TAFA4: variants seen among roughly 807,000 people sequenced by gnomAD.
TAFA4 encodes chemokine-like protein TAFA-4.
TAFA4 carries 20 observed loss-of-function variants against 21.1 expected under a neutral mutation model. The ratio of observed to expected loss-of-function variants is 0.95; its 90% CI spans 0.67 to 1.38. The LOEUF (loss-of-function observed/expected upper bound fraction) is 1.38, where lower values mean the gene tolerates loss of function less well. Ranked by LOEUF, TAFA4 falls within the 40% of genes most tolerant of loss-of-function variation. The pLI is 0.00. For synonymous variants in TAFA4, 71 were observed against 67.4 expected (o/e 1.05, Z -0.26); for missense variants, 211 against 180.9 (o/e 1.17, Z -0.95).
intron 3 of TAFA4, among the ~76,000 whole-genome samples, chr3:68,836,253 A>C (rs965209300): frequency 3.3e-5 from 5 of 152,216 alleles, no homozygotes; most frequent in Non-Finnish European, 5.9e-5. Context: ...CCTCAGGAAT[A>C]ATCCTCAATT....
intron 3 of TAFA4, among the ~76,000 whole-genome samples, chr3:68,848,552 G>A (rs892683991): frequency 6.6e-6 from 1 of 152,116 alleles, no homozygotes; most frequent in East Asian, 1.9e-4. Context: ...AGGGTCCATG[G>A]TTGATCAACT....
chr3:68,879,973 T>C (rs1575655240), intron 3 of TAFA4, among the ~76,000 whole-genome samples: 1 of 152,236 alleles, frequency 6.6e-6, no homozygotes, highest in South Asian at 2.1e-4. Context: ...CATTGACACA[T>C]ATGAATTATT....
chr3:68,796,788 C>G (rs1013797232), intron 3 of TAFA4, among the ~76,000 whole-genome samples: 2 of 151,996 alleles, frequency 1.3e-5, no homozygotes, highest in Non-Finnish European at 2.9e-5. Flanking sequence ...AACTCAAAGA[C>G]AAGGAATCAA....
At chr3:68,795,095 T>C (rs1372289682) in intron 3 of TAFA4, among the ~76,000 whole-genome samples, 1 of 151,712 alleles carries the variant, frequency 6.6e-6, no homozygotes, top group Non-Finnish European at 1.5e-5. Context: ...ATACTTTATA[T>C]GCTTGTAAAA....
rs181097620 is a variant in TAFA4 at position 68,830,063 on chromosome 3, T to C, written c.130+50667A>G. Among the ~76,000 whole-genome samples, 7 of 152,022 alleles carry C rather than the reference T, an allele frequency of 4.6e-5. No homozygotes were observed. The East Asian group carries it at 1.4e-3, about 30-fold the overall frequency. On this transcript the variant is annotated intron_variant, in intron 3 of 5. Transcript: ENST00000295569. ...TTTTTTCAGGTTTTATTGCGTCTAC[T>C]TGATTCTTCTCTCTTTTCTTCTTTA... is the stretch of plus-strand genomic sequence containing the variant.
intron 3 of TAFA4, among the ~76,000 whole-genome samples, chr3:68,789,434 C>T (rs1220253729): frequency 1.3e-5 from 2 of 152,086 alleles, no homozygotes; most frequent in Non-Finnish European, 2.9e-5. Context: ...CACATACACA[C>T]ACAGGTAACA....
chr3:68,741,808 A>G (rs1233246633), intron 4 of TAFA4, among the ~76,000 whole-genome samples: 2 of 152,082 alleles, frequency 1.3e-5, no homozygotes, highest in Non-Finnish European at 2.9e-5. Context: ...AAATAAAAAT[A>G]AAAATAAAAA....
intron 3 of TAFA4, among the ~76,000 whole-genome samples, chr3:68,843,336 T>C (rs1248615203): frequency 1.3e-5 from 2 of 152,164 alleles, no homozygotes; most frequent in Non-Finnish European, 2.9e-5. Context: ...CTGTCTATTA[T>C]TGGTGTATAG....
At chr3:68,909,077 T>G (rs1165247439) in intron 1 of TAFA4, among the ~76,000 whole-genome samples, 2 of 152,174 alleles carry the variant, frequency 1.3e-5, no homozygotes, top group East Asian at 1.9e-4. Flanking sequence ...TCATTTAAAT[T>G]TATGTATCTG....
At position 68,838,333 on chromosome 3, in the gene TAFA4, AT is replaced by A. The variant is rs559999735; in HGVS notation, c.130+42396del. 3.7e-4 allele frequency among the ~76,000 whole-genome samples: 57 copies of A among 152,326 alleles called. 1 individual carries two copies. In the East Asian group the frequency reaches 6.0e-3, roughly 16 times the overall value. The stretch of plus-strand genomic sequence containing the variant: ...CCAAAAATACTTTACCACAATTATT[AT>A]TTTTAATGTCAAGAATACATTTGTA... On this transcript the variant is annotated intron_variant, in intron 3 of 5. Transcript: ENST00000295569.
intron 2 of TAFA4, among the ~76,000 whole-genome samples, chr3:68,884,212 G>A (rs1363895333): frequency 6.6e-6 from 1 of 152,198 alleles, no homozygotes; most frequent in Non-Finnish European, 1.5e-5. Context: ...TTGAGGGCTG[G>A]AGGGCCCTCT....
intron 3 of TAFA4, among the ~76,000 whole-genome samples, chr3:68,848,024 A>C (rs1704849480): frequency 6.6e-6 from 1 of 152,246 alleles, no homozygotes; most frequent in South Asian, 2.1e-4. Context: ...TGTAGCATTT[A>C]CTATATCCAC....
intron 4 of TAFA4, among the ~76,000 whole-genome samples, chr3:68,741,320 T>C (rs978472819): frequency 1.3e-5 from 2 of 152,200 alleles, no homozygotes; most frequent in Non-Finnish European, 2.9e-5. Flanking sequence ...TTTAGTGTAC[T>C]GATTTTTTTA....
At chr3:68,735,007 G>T (rs79601855) in intron 5 of TAFA4, among the ~76,000 whole-genome samples, 3,029 of 152,186 alleles carry the variant, frequency 0.02, 81 homozygotes, top group East Asian at 0.053. Flanking sequence ...ATTACATGTG[G>T]AAGATTCATT....
At chr3:68,823,746 T>G (rs1030908055) in intron 3 of TAFA4, among the ~76,000 whole-genome samples, 5 of 152,202 alleles carry the variant, frequency 3.3e-5, no homozygotes, top group African/African-American at 1.2e-4. Flanking sequence ...GATAATGGCT[T>G]CCAGCTTCAT....
chr3:68,866,545 C>G (rs1257840221), intron 3 of TAFA4, among the ~76,000 whole-genome samples: 1 of 147,144 alleles, frequency 6.8e-6, no homozygotes, highest in Non-Finnish European at 1.5e-5. Flanking sequence ...TAACAGCAAA[C>G]AAGGAATCAT....
chr3:68,837,733 AG>A (rs1292453297), intron 3 of TAFA4, among the ~76,000 whole-genome samples: 1 of 152,242 alleles, frequency 6.6e-6, no homozygotes, highest in African/African-American at 2.4e-5. Flanking sequence ...ACAAAGGTTA[AG>A]AAATATTCTG....
intron 3 of TAFA4, among the ~76,000 whole-genome samples, chr3:68,875,926 AAAAG>A (rs1405128963): frequency 6.6e-6 from 1 of 152,024 alleles, no homozygotes; most frequent in African/African-American, 2.4e-5. Flanking sequence ...TTAAAAAAAA[AAAAG>A]AGAGAGAGAA....
intron 4 of TAFA4, among the ~76,000 whole-genome samples, chr3:68,743,199 G>A (rs1323606629): frequency 6.6e-6 from 1 of 152,104 alleles, no homozygotes; most frequent in African/African-American, 2.4e-5. Context: ...ACCAAGAAAG[G>A]AATCTAGCCA....
Sources: allele counts gnomAD v4.1 joint callset (sites outside exome capture counted in the v4.1 genomes callset), GRCh38; gene constraint gnomAD v4.1.1; transcripts MANE v1.5; gene names NCBI Gene and HGNC (gene_info 2026-07-23, HGNC 2026-07-21).